XKR4: variants seen among roughly 807,000 people sequenced by gnomAD.
XKR4 encodes the protein XK-related protein 4.
In XKR4, 12 loss-of-function variants were observed where a neutral mutation model predicts 53.9. The ratio of observed to expected loss-of-function variants is 0.22; its 90% CI spans 0.14 to 0.36. The LOEUF (loss-of-function observed/expected upper bound fraction) is 0.36, where lower values mean the gene tolerates loss of function less well. Ranked by LOEUF, XKR4 falls within the 10% of genes least tolerant of loss-of-function variation. XKR4 has a pLI of 1.00. For missense variants in XKR4, 799 were observed against 859.5 expected (o/e 0.93, Z 0.88); for synonymous variants, 354 against 362.4 (o/e 0.98, Z 0.26).
Position 55,182,190 on chromosome 8 carries a change from G to A in XKR4, c.806+78896G>A, listed in dbSNP as rs1305211438. On this transcript the variant is annotated intron_variant, in intron 1 of 2. Transcript: ENST00000327381. ...TTAATTGAATATGTGGCTTATAAAT[G>A]TTACCTTCCAGCCTGTGGCTTGCCT... Among the ~76,000 whole-genome samples, 5 of 151,874 alleles carry A rather than the reference G, an allele frequency of 3.3e-5. No homozygotes were observed. The East Asian group carries it at 7.7e-4, about 23-fold the overall frequency.
intron 2 of XKR4, among the ~76,000 whole-genome samples, chr8:55,470,457 T>G (rs1160908517): frequency 6.6e-6 from 1 of 152,130 alleles, no homozygotes; most frequent in Non-Finnish European, 1.5e-5. Context: ...TTCACTTGGC[T>G]CTCATTCTCT....
intron 2 of XKR4, among the ~76,000 whole-genome samples, chr8:55,456,775 G>T (rs534292268): frequency 6.6e-6 from 1 of 152,040 alleles, no homozygotes; most frequent in Non-Finnish European, 1.5e-5. Flanking sequence ...AGCATCAAAG[G>T]CATGTAGGGC....
At chr8:55,306,364 CA>C (rs1436949485) in intron 1 of XKR4, among the ~76,000 whole-genome samples, 1 of 152,164 alleles carries the variant, frequency 6.6e-6, no homozygotes, top group Non-Finnish European at 1.5e-5. Flanking sequence ...GCTCCTAAAA[CA>C]GTACAAAAAG....
intron 1 of XKR4, among the ~76,000 whole-genome samples, chr8:55,328,213 G>T (rs1340855466): frequency 6.6e-6 from 1 of 151,990 alleles, no homozygotes; most frequent in Non-Finnish European, 1.5e-5. Flanking sequence ...TGAGATTTTG[G>T]GTGGGGACTC....
intron 1 of XKR4, among the ~76,000 whole-genome samples, chr8:55,267,396 G>A (rs971162098): frequency 6.6e-6 from 1 of 152,158 alleles, no homozygotes; most frequent in Admixed American, 6.5e-5. Context: ...AGTAAGTGTA[G>A]TGTTATTATC....
chr8:55,116,670 C>T lies in XKR4; in HGVS notation c.806+13376C>T, dbSNP rs193074275. Among the ~76,000 whole-genome samples the T allele has an allele frequency of 4.6e-5, 7 of 152,290 alleles. No individual in the cohort carries two copies. The East Asian group carries it at 1.2e-3, about 25-fold the overall frequency. Reference sequence around the variant, plus strand: ...AAATGGATGACCTTCCCAGAAATGCCTCTTTTCAAAGTAATAGTTTTCTGA... The same window carrying T: ...AAATGGATGACCTTCCCAGAAATGCTTCTTTTCAAAGTAATAGTTTTCTGA... On this transcript the variant is annotated intron_variant, in intron 1 of 2. Coordinates refer to ENST00000327381, the MANE Select transcript of XKR4 (RefSeq NM_052898.2).
chr8:55,453,882 C>G, intron 2 of XKR4: 1 of 574,038 alleles, frequency 1.7e-6, no homozygotes. Flanking sequence ...CAGTACGGGA[C>G]CCCACACTCC....
chr8:55,407,983 C>G (rs751201366), intron 2 of XKR4, among the ~76,000 whole-genome samples: 2 of 152,186 alleles, frequency 1.3e-5, no homozygotes, highest in Non-Finnish European at 2.9e-5. Context: ...TGTCACTAAC[C>G]TGAAGATGTG....
intron 1 of XKR4, among the ~76,000 whole-genome samples, chr8:55,297,486 A>G (rs1185745989): frequency 6.6e-6 from 1 of 152,184 alleles, no homozygotes; most frequent in Non-Finnish European, 1.5e-5. Flanking sequence ...CATATAATCT[A>G]GAATTTAGGA....
rs116682580 is a variant in XKR4, at chr8:55,494,260, T to C, written c.1007-29021T>C. 9.7e-3 allele frequency among the ~76,000 whole-genome samples: 1,473 copies of C among 152,344 alleles called. 24 individuals are homozygous for C. Among genetic ancestry groups the C allele is most frequent in the African/African-American group, 0.033 (1,363 of 41,574 alleles). ...CACCCACAGCTGGCACTAGGGAACA[T>C]AGTGGTGCCCACAAGCTTGGAGATG... On this transcript the variant is annotated intron_variant, in intron 2 of 2. Transcript: ENST00000327381.
intron 2 of XKR4, among the ~76,000 whole-genome samples, chr8:55,488,414 T>C (rs918648639): frequency 2.0e-5 from 3 of 151,760 alleles, no homozygotes; most frequent in South Asian, 2.1e-4. Flanking sequence ...TTATTCATAA[T>C]TGCCAAACCT....
chr8:55,499,886 A>G (rs1157712382), intron 2 of XKR4, among the ~76,000 whole-genome samples: 2 of 152,134 alleles, frequency 1.3e-5, no homozygotes, highest in African/African-American at 4.8e-5. Flanking sequence ...CCAGTATGTG[A>G]ATTTCTCAAT....
intron 1 of XKR4, among the ~76,000 whole-genome samples, chr8:55,271,899 T>A (rs1186427826): frequency 6.6e-6 from 1 of 152,238 alleles, no homozygotes; most frequent in African/African-American, 2.4e-5. Context: ...GCTGGCTTCC[T>A]GGGTTGCTTA....
intron 1 of XKR4, among the ~76,000 whole-genome samples, chr8:55,199,170 A>C (rs1002711935): frequency 9.2e-5 from 14 of 152,200 alleles, no homozygotes; most frequent in Non-Finnish European, 1.9e-4. Context: ...ACAGTGATAG[A>C]AGGTCAAAGG....
At chr8:55,452,273 G>A (rs866328278) in intron 2 of XKR4, 19 of 650,036 alleles carry the variant, frequency 2.9e-5, no homozygotes, top group South Asian at 2.0e-4. Flanking sequence ...GATCCAAAGG[G>A]GTCTGGATGC....
intron 1 of XKR4, among the ~76,000 whole-genome samples, chr8:55,193,208 C>T (rs571585592): frequency 1.3e-5 from 2 of 152,192 alleles, no homozygotes; most frequent in African/African-American, 4.8e-5. Context: ...TTTCTCTGTG[C>T]CCCTTTCTTC....
At chr8:55,497,390 A>AT (rs564409442) in intron 2 of XKR4, among the ~76,000 whole-genome samples, 1 of 152,154 alleles carries the variant, frequency 6.6e-6, no homozygotes, top group Admixed American at 6.5e-5. Context: ...TATTGATTAT[A>AT]TTTTTTTGAC....
In XKR4 at chr8:55,266,621, A is replaced by G. The variant is rs535768695; in HGVS notation, c.807-91057A>G. Among the ~76,000 whole-genome samples the G allele has an allele frequency of 2.6e-5, 4 of 152,234 alleles. 1 individual carries two copies. The South Asian group carries it at 8.3e-4, about 32-fold the overall frequency. On this transcript the variant is annotated intron_variant, in intron 1 of 2. Coordinates refer to ENST00000327381, the MANE Select transcript of XKR4 (RefSeq NM_052898.2). The stretch of plus-strand genomic sequence containing the variant: ...AAGATGTACATGGAGAGGGAGGGAA[A>G]AGCAACCTGTTCAAGTATGAGATCA...
intron 1 of XKR4, among the ~76,000 whole-genome samples, chr8:55,316,071 T>C (rs976498512): frequency 5.3e-5 from 8 of 152,142 alleles, no homozygotes; most frequent in African/African-American, 1.9e-4. Flanking sequence ...AATTCAAAAT[T>C]CAAATGAATG....
Sources: gnomAD v4.1 joint callset for allele counts (sites outside exome capture counted in the v4.1 genomes callset) on GRCh38, gnomAD v4.1.1 for gene constraint, MANE v1.5 for transcripts, NCBI Gene and HGNC (gene_info 2026-07-23, HGNC 2026-07-21) for gene names.